The following DEUP1 variants were observed in gnomAD, a reference collection of about 807,000 sequenced individuals.
The protein encoded by DEUP1 is deuterosome assembly protein 1, also known as coiled-coil domain containing 67.
Under a neutral mutation model 87.4 loss-of-function variants are expected in DEUP1, and 82 were observed. The ratio of observed to expected loss-of-function variants is 0.94; its 90% CI spans 0.78 to 1.13. The LOEUF (loss-of-function observed/expected upper bound fraction) is 1.13, where lower values mean the gene tolerates loss of function less well. DEUP1 is among the 50% of genes most tolerant of loss of function. The pLI is 0.00. For synonymous variants in DEUP1, 214 were observed against 222.7 expected (o/e 0.96, Z 0.35); for missense variants, 663 against 681.5 (o/e 0.97, Z 0.30).
intron 11 of DEUP1, among the ~76,000 whole-genome samples, chr11:93,406,226 C>G (rs1248350607): frequency 6.6e-6 from 1 of 151,806 alleles, no homozygotes; most frequent in Non-Finnish European, 1.5e-5. Context: ...TTGAGTGTCT[C>G]CTACCAGGTA....
intron 13 of DEUP1, among the ~76,000 whole-genome samples, chr11:93,429,383 A>G (rs996107276): frequency 5.4e-4 from 82 of 152,334 alleles, no homozygotes; most frequent in Admixed American, 5.0e-3. Context: ...CAAATTCTGC[A>G]TCAATAAAAC....
intron 13 of DEUP1, among the ~76,000 whole-genome samples, chr11:93,434,179 C>T (rs890200986): frequency 6.6e-6 from 1 of 152,170 alleles, no homozygotes; most frequent in Non-Finnish European, 1.5e-5. Flanking sequence ...AGCTTCTTCA[C>T]GATTCTTGCT....
chr11:93,411,895 A>C (rs941223449), intron 12 of DEUP1, among the ~76,000 whole-genome samples: 3 of 152,254 alleles, frequency 2.0e-5, no homozygotes, highest in Non-Finnish European at 4.4e-5. Context: ...AACCACAGTC[A>C]GCAGGTTTGT....
chr11:93,334,274 A>G (rs534067002), intron 2 of DEUP1, among the ~76,000 whole-genome samples: 1 of 152,198 alleles, frequency 6.6e-6, no homozygotes, highest in South Asian at 2.1e-4. Flanking sequence ...GGGACTTGTT[A>G]TGTAGCTTAT....
At chr11:93,365,783 C>CA (rs563630194) in intron 5 of DEUP1, among the ~76,000 whole-genome samples, 36 of 152,184 alleles carry the variant, frequency 2.4e-4, no homozygotes, top group Non-Finnish European at 4.9e-4. Flanking sequence ...ATTATAAAAA[C>CA]ACTTCATGTA....
At chr11:93,418,507 G>T (rs982692203) in intron 13 of DEUP1, among the ~76,000 whole-genome samples, 2 of 151,984 alleles carry the variant, frequency 1.3e-5, no homozygotes, top group Admixed American at 6.6e-5. Context: ...AGTTAGAATG[G>T]CAATCATTAA....
At chr11:93,431,349 G>C (rs960612912) in intron 13 of DEUP1, among the ~76,000 whole-genome samples, 1 of 152,100 alleles carries the variant, frequency 6.6e-6, no homozygotes, top group East Asian at 1.9e-4. Flanking sequence ...GAGTTTGGCA[G>C]GCATGAGAAC....
At chr11:93,363,462 T>A (rs1201271209) in intron 4 of DEUP1, among the ~76,000 whole-genome samples, 1 of 151,800 alleles carries the variant, frequency 6.6e-6, no homozygotes, top group Non-Finnish European at 1.5e-5. Context: ...AGTAATAACT[T>A]TGGAACTTCC....
chr11:93,392,368 A>G (rs1409772756), intron 9 of DEUP1, among the ~76,000 whole-genome samples: 1 of 152,252 alleles, frequency 6.6e-6, no homozygotes, highest in Non-Finnish European at 1.5e-5. Context: ...ATGTGATGTG[A>G]AAAGTTATGC....
chr11:93,358,890 T>C (rs917618792), intron 4 of DEUP1, among the ~76,000 whole-genome samples: 2 of 152,152 alleles, frequency 1.3e-5, no homozygotes, highest in Admixed American at 6.5e-5. Flanking sequence ...GCCTCTTCTC[T>C]TTTTTTAAGC....
At chr11:93,335,737 T>C (rs867134207) in intron 2 of DEUP1, among the ~76,000 whole-genome samples, 2 of 152,242 alleles carry the variant, frequency 1.3e-5, no homozygotes, top group Non-Finnish European at 2.9e-5. Context: ...CTTTAATCAA[T>C]AATATCTTTG....
intron 2 of DEUP1, among the ~76,000 whole-genome samples, chr11:93,333,296 G>T (rs1173486920): frequency 6.6e-6 from 1 of 152,186 alleles, no homozygotes; most frequent in Admixed American, 6.5e-5. Flanking sequence ...CACGGACCAG[G>T]ATTGGTTTGG....
At chr11:93,391,484 C>T (rs1337297484) in intron 9 of DEUP1, among the ~76,000 whole-genome samples, 3 of 151,940 alleles carry the variant, frequency 2.0e-5, no homozygotes, top group Non-Finnish European at 2.9e-5. Flanking sequence ...CCAAGGTGGG[C>T]GGATCACGAG....
At chr11:93,366,845 G>A (rs1363817400) in intron 5 of DEUP1, among the ~76,000 whole-genome samples, 1 of 152,118 alleles carries the variant, frequency 6.6e-6, no homozygotes, top group Non-Finnish European at 1.5e-5. Context: ...TAAAACCTGT[G>A]AACAGCTTAA....
intron 9 of DEUP1, among the ~76,000 whole-genome samples, chr11:93,391,561 A>G (rs559409415): frequency 6.6e-6 from 1 of 152,130 alleles, no homozygotes; most frequent in African/African-American, 2.4e-5. Flanking sequence ...TACAAAAATT[A>G]GCCAGGCATG....
intron 9 of DEUP1, among the ~76,000 whole-genome samples, chr11:93,390,318 A>C (rs1946728519): frequency 6.6e-6 from 1 of 152,220 alleles, no homozygotes; most frequent in Non-Finnish European, 1.5e-5. Flanking sequence ...TTGAGTATCT[A>C]GGAGAACTAT....
intron 13 of DEUP1, among the ~76,000 whole-genome samples, chr11:93,434,957 A>G (rs900244690): frequency 1.3e-5 from 2 of 152,132 alleles, no homozygotes; most frequent in African/African-American, 2.4e-5. Context: ...CTATCATGTT[A>G]GCATCCTCTG....
At chr11:93,390,684 C>T (rs1946738386) in intron 9 of DEUP1, among the ~76,000 whole-genome samples, 1 of 152,058 alleles carries the variant, frequency 6.6e-6, no homozygotes, top group Admixed American at 6.5e-5. Flanking sequence ...ACAGTTTTGA[C>T]ATGGTGGGAG....
intron 2 of DEUP1, among the ~76,000 whole-genome samples, chr11:93,347,195 C>T (rs994898377): frequency 3.3e-5 from 5 of 152,076 alleles, no homozygotes; most frequent in Admixed American, 3.3e-4. Context: ...ATGTATGTTT[C>T]CTTGGAACCT....
Sources: gnomAD v4.1 joint callset for allele counts (sites outside exome capture counted in the v4.1 genomes callset) on GRCh38, gnomAD v4.1.1 for gene constraint, MANE v1.5 for transcripts, NCBI Gene and HGNC (gene_info 2026-07-23, HGNC 2026-07-21) for gene names.